The following CDH12 variants were observed in gnomAD, a reference collection of about 807,000 sequenced individuals.
CDH12 encodes cadherin 12, also known as cadherin-12.
A neutral mutation model predicts 74.1 loss-of-function variants in CDH12; 41 were observed. That is an observed-to-expected ratio of 0.55 (90% CI 0.43 to 0.72). CDH12 has a LOEUF of 0.72. CDH12 is among the 30% of genes least tolerant of loss of function. The pLI is 0.00. For synonymous variants in CDH12, 399 were observed against 355.0 expected, an observed-to-expected ratio of 1.12 and a Z score of -1.39; for missense variants, 945 against 977.2, an observed-to-expected ratio of 0.97 and a Z score of 0.44.
chr5:22,204,172 TTTTG>T (rs1220127069), intron 4 of CDH12, among the ~76,000 whole-genome samples: 7 of 147,616 alleles, frequency 4.7e-5, no homozygotes, highest in African/African-American at 1.7e-4. Context: ...GTTTTTTTTT[TTTTG>T]TTTTTTGTTT....
chr5:22,396,678 T>C (rs141425921), intron 3 of CDH12, among the ~76,000 whole-genome samples: 2 of 152,252 alleles, frequency 1.3e-5, no homozygotes, highest in East Asian at 1.9e-4. Context: ...AAGCTTGTTC[T>C]GCCCAAACTC....
intron 3 of CDH12, among the ~76,000 whole-genome samples, chr5:22,215,271 C>T (rs1210569187): frequency 1.3e-5 from 2 of 152,050 alleles, no homozygotes; most frequent in African/African-American, 2.4e-5. Context: ...TTTGGAAATT[C>T]CCAAATGTTA....
At chr5:21,785,772 T>G (rs1746164633) in intron 10 of CDH12, among the ~76,000 whole-genome samples, 1 of 152,122 alleles carries the variant, frequency 6.6e-6, no homozygotes, top group South Asian at 2.1e-4. Flanking sequence ...CTCCATAACA[T>G]TAAAGTGCAA....
chr5:22,818,609 CAA>C (rs1749509466), intron 1 of CDH12, among the ~76,000 whole-genome samples: 3 of 152,104 alleles, frequency 2.0e-5, no homozygotes, highest in Admixed American at 6.6e-5. Context: ...ATATTTAAAA[CAA>C]TGATTCTGCT....
At chr5:22,825,368 A>T (rs193014679) in intron 1 of CDH12, among the ~76,000 whole-genome samples, 161 of 152,294 alleles carry the variant, frequency 1.1e-3, no homozygotes, top group Admixed American at 2.9e-3. Context: ...TTACAATTTT[A>T]GATAGGATGG....
chr5:22,380,468 T>G (rs1391482237), intron 3 of CDH12, among the ~76,000 whole-genome samples: 1 of 152,144 alleles, frequency 6.6e-6, no homozygotes, highest in East Asian at 1.9e-4. Flanking sequence ...TAATATAGAA[T>G]TAGATACTAT....
intron 3 of CDH12, among the ~76,000 whole-genome samples, chr5:22,402,250 T>C (rs765540080): frequency 2.0e-5 from 3 of 152,178 alleles, no homozygotes; most frequent in Non-Finnish European, 4.4e-5. Flanking sequence ...TTAAGACTAT[T>C]GTGATGAGCC....
At chr5:21,984,562 T>C (rs1015473612) in intron 5 of CDH12, among the ~76,000 whole-genome samples, 1 of 152,198 alleles carries the variant, frequency 6.6e-6, no homozygotes, top group Non-Finnish European at 1.5e-5. Flanking sequence ...ATCTTTCACC[T>C]ATGTGCAATG....
intron 1 of CDH12, among the ~76,000 whole-genome samples, chr5:22,823,311 C>G (rs547608700): frequency 6.6e-6 from 1 of 151,852 alleles, no homozygotes; most frequent in Non-Finnish European, 1.5e-5. Flanking sequence ...TGCAGCGCAC[C>G]AGCATGGCAC....
intron 6 of CDH12, among the ~76,000 whole-genome samples, chr5:21,943,738 A>C (rs1435839472): frequency 2.0e-5 from 3 of 152,296 alleles, no homozygotes; most frequent in Non-Finnish European, 2.9e-5. Context: ...TTGTCTTATT[A>C]ATTTAATAGT....
intron 3 of CDH12, among the ~76,000 whole-genome samples, chr5:22,283,261 C>T (rs1736992740): frequency 7.1e-6 from 1 of 141,184 alleles, no homozygotes; most frequent in South Asian, 2.1e-4. Flanking sequence ...TACACACACA[C>T]ACACACACAC....
intron 5 of CDH12, among the ~76,000 whole-genome samples, chr5:22,019,412 C>T (rs999305378): frequency 6.6e-6 from 1 of 152,124 alleles, no homozygotes; most frequent in African/African-American, 2.4e-5. Flanking sequence ...TTTATATCCC[C>T]TCAAAGTACC....
At chr5:21,887,826 T>C (rs1487917632) in intron 6 of CDH12, among the ~76,000 whole-genome samples, 1 of 152,066 alleles carries the variant, frequency 6.6e-6, no homozygotes, top group Non-Finnish European at 1.5e-5. Flanking sequence ...TAATTCACTG[T>C]TATGAGGGCA....
In CDH12 at chr5:22,489,690, CTT is replaced by C. The variant is rs753962922; in HGVS notation, c.-428+15578_-428+15579del. Reference sequence around the variant, plus strand: ...CTTTGTGATGCCTTGTGCAGTGTAACTTTTTTTTTTTTTTTTTTTTTTTGAGG... The same window carrying C: ...CTTTGTGATGCCTTGTGCAGTGTAACTTTTTTTTTTTTTTTTTTTTTGAGG... On this transcript the variant is annotated intron_variant, in intron 2 of 14. Coordinates refer to ENST00000382254, the MANE Select transcript of CDH12 (RefSeq NM_004061.5). Among the ~76,000 whole-genome samples, 98 of 120,632 alleles carry C rather than the reference CTT, an allele frequency of 8.1e-4. 1 individual carries two copies. Among genetic ancestry groups the C allele is most frequent in the African/African-American group, 2.0e-3 (66 of 32,308 alleles). The allele number at this position is 120,632 out of a possible 152,430, so 79.1% of individuals were successfully genotyped here.
At chr5:22,451,374 T>C (rs1157953721) in intron 2 of CDH12, among the ~76,000 whole-genome samples, 1 of 151,958 alleles carries the variant, frequency 6.6e-6, no homozygotes, top group African/African-American at 2.4e-5. Context: ...AATATTACTA[T>C]GACCAACCAA....
intron 12 of CDH12, among the ~76,000 whole-genome samples, chr5:21,763,652 A>G (rs921387396): frequency 8.5e-5 from 13 of 152,296 alleles, no homozygotes; most frequent in African/African-American, 2.9e-4. Context: ...TAGATTAAAC[A>G]TATTTTTGTT....
chr5:22,529,188 T>TATATATAG, intron 1 of CDH12, among the ~76,000 whole-genome samples: 1 of 84,540 alleles, frequency 1.2e-5, no homozygotes, highest in East Asian at 4.1e-4. Flanking sequence ...TATATATATA[T>TATATATAG]AGAGAGAGAG....
intron 1 of CDH12, among the ~76,000 whole-genome samples, chr5:22,836,223 CTTTTTTT>C (rs61616737): frequency 3.1e-5 from 2 of 65,506 alleles, no homozygotes; most frequent in Non-Finnish European, 5.2e-5. Flanking sequence ...CTTTCTTTCT[CTTTTTTT>C]TTTTTTTTTT....
At chr5:21,833,700 A>G (rs145723543) in intron 8 of CDH12, among the ~76,000 whole-genome samples, 97 of 148,668 alleles carry the variant, frequency 6.5e-4, no homozygotes, top group African/African-American at 2.3e-3. Context: ...TAAACCAGTG[A>G]TCTTCAGGTT....
Sources: allele counts gnomAD v4.1 joint callset (sites outside exome capture counted in the v4.1 genomes callset), GRCh38; gene constraint gnomAD v4.1.1; transcripts MANE v1.5; gene names NCBI Gene and HGNC (gene_info 2026-07-23, HGNC 2026-07-21).